The following ITPRID1 variants were observed in gnomAD, a reference collection of about 807,000 sequenced individuals.
ITPRID1 encodes ITPR interacting domain containing 1.
In ITPRID1, 96 loss-of-function variants were observed where a neutral mutation model predicts 95.4. The observed-to-expected ratio is 1.01, with a 90% CI of 0.85 to 1.19. The LOEUF (loss-of-function observed/expected upper bound fraction) is 1.19. ITPRID1 is among the 50% of genes most tolerant of loss of function. The pLI, the probability that ITPRID1 is intolerant of heterozygous loss-of-function variation, is 0.00. For synonymous variants in ITPRID1, 510 were observed against 453.6 expected (o/e 1.12, Z -1.58); for missense variants, 1,339 against 1,252.9 (o/e 1.07, Z -1.04).
At chr7:31,542,894 G>A (rs1262666962) in intron 1 of ITPRID1, among the ~76,000 whole-genome samples, 1 of 152,070 alleles carries the variant, frequency 6.6e-6, no homozygotes, top group African/African-American at 2.4e-5. Context: ...TGGACTGAAA[G>A]GTCCCACAGC....
chr7:31,561,373 T>C (rs1387181319), intron 5 of ITPRID1, among the ~76,000 whole-genome samples: 6 of 152,148 alleles, frequency 3.9e-5, no homozygotes. Flanking sequence ...TCCCCCAGCC[T>C]TCCTGAAGCT....
chr7:31,614,858 G>T (rs951483116), intron 10 of ITPRID1, among the ~76,000 whole-genome samples: 1 of 151,944 alleles, frequency 6.6e-6, no homozygotes, highest in Non-Finnish European at 1.5e-5. Flanking sequence ...CTCCTGATTC[G>T]GGGGCCCCAT....
At chr7:31,600,563 A>C (rs1336558096) in intron 10 of ITPRID1, among the ~76,000 whole-genome samples, 1 of 152,230 alleles carries the variant, frequency 6.6e-6, no homozygotes, top group South Asian at 2.1e-4. Flanking sequence ...AGAGAGAAAG[A>C]AAGCCAAGTG....
At chr7:31,523,113 T>C (rs11773346) in intron 1 of ITPRID1, among the ~76,000 whole-genome samples, 12,916 of 152,276 alleles carry the variant, frequency 0.085, 728 homozygotes, top group Middle Eastern at 0.13. Context: ...ATTAAGTAGA[T>C]ACCCATGCTT....
At chr7:31,553,803 C>A (rs1784363042) in intron 3 of ITPRID1, among the ~76,000 whole-genome samples, 1 of 152,126 alleles carries the variant, frequency 6.6e-6, no homozygotes, top group Non-Finnish European at 1.5e-5. Flanking sequence ...TAAAGTCAAA[C>A]AAAATTAGCC....
intron 1 of ITPRID1, among the ~76,000 whole-genome samples, chr7:31,524,461 A>G (rs1034713061): frequency 2.0e-5 from 3 of 152,220 alleles, no homozygotes; most frequent in African/African-American, 7.2e-5. Context: ...ATTTTGAGTC[A>G]TGATTAGTGG....
chr7:31,563,339 G>T (rs7799725), intron 5 of ITPRID1, among the ~76,000 whole-genome samples: 87,135 of 151,944 alleles, frequency 0.57, 26,269 homozygotes, highest in Middle Eastern at 0.7. Flanking sequence ...TGGTAGAAAT[G>T]TTTCTGTTAG....
intron 8 of ITPRID1, among the ~76,000 whole-genome samples, chr7:31,575,500 T>C (rs1308140743): frequency 2.0e-5 from 3 of 152,172 alleles, no homozygotes; most frequent in Non-Finnish European, 4.4e-5. Flanking sequence ...TCAAAACAGT[T>C]TGGGGGAAAG....
intron 1 of ITPRID1, among the ~76,000 whole-genome samples, chr7:31,543,285 G>A (rs1783988339): frequency 6.6e-6 from 1 of 152,078 alleles, no homozygotes; most frequent in Non-Finnish European, 1.5e-5. Context: ...TTCCCAAGGA[G>A]TCCCAGGCCA....
chr7:31,523,763 C>G (rs1243172793), intron 1 of ITPRID1, among the ~76,000 whole-genome samples: 2 of 152,170 alleles, frequency 1.3e-5, no homozygotes, highest in African/African-American at 4.8e-5. Flanking sequence ...ATTACCCAGT[C>G]TCGGGTATTT....
At chr7:31,579,697 C>T (rs1785325399) in intron 9 of ITPRID1, among the ~76,000 whole-genome samples, 1 of 152,244 alleles carries the variant, frequency 6.6e-6, no homozygotes, top group South Asian at 2.1e-4. Flanking sequence ...GGCATAGCTG[C>T]ATCCCACAAA....
intron 12 of ITPRID1, among the ~76,000 whole-genome samples, chr7:31,648,555 T>C (rs1345041387): frequency 6.6e-6 from 1 of 152,200 alleles, no homozygotes; most frequent in Non-Finnish European, 1.5e-5. Context: ...CCATCAGTTA[T>C]TCCCAAACCA....
chr7:31,533,900 G>T (rs1783678310), intron 1 of ITPRID1, among the ~76,000 whole-genome samples: 1 of 152,064 alleles, frequency 6.6e-6, no homozygotes. Flanking sequence ...CCAACCCCAG[G>T]CTGTGGACTA....
chr7:31,546,647 A>G (rs146709930), intron 1 of ITPRID1, among the ~76,000 whole-genome samples: 2 of 152,292 alleles, frequency 1.3e-5, no homozygotes, highest in East Asian at 3.9e-4. Context: ...GTTGGTATTC[A>G]TTTAAATAGT....
intron 12 of ITPRID1, among the ~76,000 whole-genome samples, chr7:31,644,269 C>T (rs1790276710): frequency 7.0e-6 from 1 of 143,676 alleles, no homozygotes; most frequent in Non-Finnish European, 1.5e-5. Context: ...GCATCTGTAA[C>T]TCATCTCCAG....
chr7:31,528,285 T>C (rs1783486319), intron 1 of ITPRID1, among the ~76,000 whole-genome samples: 1 of 152,224 alleles, frequency 6.6e-6, no homozygotes, highest in African/African-American at 2.4e-5. Flanking sequence ...TGAAATTCTA[T>C]GCCCAGTTTT....
At chr7:31,598,449 G>A (rs927893036) in intron 10 of ITPRID1, among the ~76,000 whole-genome samples, 1 of 142,076 alleles carries the variant, frequency 7.0e-6, no homozygotes, top group African/African-American at 2.7e-5. Flanking sequence ...TGTCACCCAG[G>A]CTGGAGTGCA....
chr7:31,520,309 A>G (rs1783198931), intron 1 of ITPRID1, among the ~76,000 whole-genome samples: 1 of 152,150 alleles, frequency 6.6e-6, no homozygotes, highest in Non-Finnish European at 1.5e-5. Context: ...AGGTTTCTGC[A>G]CTGTTAAGTT....
chr7:31,585,323 G>C (rs2128150669), intron 10 of ITPRID1, among the ~76,000 whole-genome samples: 1 of 152,256 alleles, frequency 6.6e-6, no homozygotes, highest in South Asian at 2.1e-4. Context: ...CTGCATACTA[G>C]CAGAAAAATT....
Sources: gnomAD v4.1 joint callset for allele counts (sites outside exome capture counted in the v4.1 genomes callset) on GRCh38, gnomAD v4.1.1 for gene constraint, MANE v1.5 for transcripts, NCBI Gene and HGNC (gene_info 2026-07-23, HGNC 2026-07-21) for gene names.